BMERB1: variants seen among roughly 807,000 people sequenced by gnomAD.
BMERB1 encodes the protein bMERB domain-containing protein 1.
In BMERB1, 12 loss-of-function variants were observed where a neutral mutation model predicts 23.6. The ratio of observed to expected loss-of-function variants is 0.51; its 90% CI spans 0.33 to 0.82. BMERB1 has a LOEUF of 0.82. Among genes scored for constraint, BMERB1 ranks in the 40% least tolerant of loss-of-function variants. The pLI, the probability that BMERB1 is intolerant of heterozygous loss-of-function variation, is 0.03. For synonymous variants in BMERB1, 122 were observed against 96.6 expected (o/e 1.26, Z -1.54); for missense variants, 247 against 255.4 (o/e 0.97, Z 0.22).
At chr16:15,533,823 T>C (rs2051993647) in intron 2 of BMERB1, among the ~76,000 whole-genome samples, 1 of 152,188 alleles carries the variant, frequency 6.6e-6, no homozygotes, top group Non-Finnish European at 1.5e-5. Context: ...CCAGATGAAC[T>C]GGGTAGTCCA....
chr16:15,536,411 C>T (rs1402378828), intron 2 of BMERB1, among the ~76,000 whole-genome samples: 1 of 152,150 alleles, frequency 6.6e-6, no homozygotes, highest in Non-Finnish European at 1.5e-5. Context: ...ATCTGACTCT[C>T]ATATCAGCTG....
At chr16:15,528,761 A>T (rs984294236) in intron 2 of BMERB1, among the ~76,000 whole-genome samples, 1 of 151,902 alleles carries the variant, frequency 6.6e-6, no homozygotes, top group Admixed American at 6.6e-5. Context: ...CTAAATACAT[A>T]TGTCGACATC....
rs571669961 is a variant in BMERB1 at position 15,581,324 on chromosome 16, C to A, written c.412C>A (p.Arg138=). ...DFLVDDAEVE[R]LREQEEDKEM... The stretch of plus-strand genomic sequence containing the variant: ...CCTGGTGGACGATGCGGAGGTCGAG[C>A]GGTTAAGGTGAGTGCACTGCGGGTA... The change falls in exon 4 of 6, where the codon CGG becomes AGG. Residue 138 remains arginine, a synonymous_variant. Transcript: ENST00000300006. 4 of 1,613,628 alleles carry A rather than the reference C, an allele frequency of 2.5e-6. No homozygotes were observed. Among genetic ancestry groups the A allele is most frequent in the African/African-American group, 1.3e-5 (1 of 75,008 alleles).
At chr16:15,549,348 C>CAA (rs11367653) in intron 2 of BMERB1, among the ~76,000 whole-genome samples, 13 of 93,888 alleles carry the variant, frequency 1.4e-4, no homozygotes, top group South Asian at 3.6e-4. Flanking sequence ...GATTCTATCT[C>CAA]AAAAAAAAAA....
chr16:15,435,675 C>T (rs2050881896), intron 1 of BMERB1, among the ~76,000 whole-genome samples: 1 of 152,172 alleles, frequency 6.6e-6, no homozygotes, highest in Non-Finnish European at 1.5e-5. Context: ...CCGCGCTCTG[C>T]CCCAGCACGG....
At chr16:15,493,659 A>G (rs2150940036) in intron 1 of BMERB1, among the ~76,000 whole-genome samples, 1 of 151,986 alleles carries the variant, frequency 6.6e-6, no homozygotes, top group African/African-American at 2.4e-5. Context: ...GCCTGCACAC[A>G]TCCTGTTTTT....
At chr16:15,578,492 G>A (rs768932964) in intron 3 of BMERB1, among the ~76,000 whole-genome samples, 8 of 152,170 alleles carry the variant, frequency 5.3e-5, no homozygotes, top group South Asian at 2.1e-4. Flanking sequence ...TGGAAATAGA[G>A]TATTTCCAAA....
intron 1 of BMERB1, among the ~76,000 whole-genome samples, chr16:15,449,893 A>C (rs2051027040): frequency 6.6e-6 from 1 of 150,776 alleles, no homozygotes; most frequent in Non-Finnish European, 1.5e-5. Flanking sequence ...AGATGGGCAA[A>C]TTTTTCTTTT....
chr16:15,565,300 A>G (rs1598524472), intron 2 of BMERB1, among the ~76,000 whole-genome samples: 2 of 152,168 alleles, frequency 1.3e-5, no homozygotes, highest in Admixed American at 6.5e-5. Context: ...CTGTTTCCGC[A>G]TGAGTAAAAT....
At chr16:15,503,095 GA>G (rs1221993042) in intron 1 of BMERB1, among the ~76,000 whole-genome samples, 1 of 151,988 alleles carries the variant, frequency 6.6e-6, no homozygotes, top group Non-Finnish European at 1.5e-5. Flanking sequence ...AAATATTCAG[GA>G]AAAAAATCCA....
At chr16:15,490,558 C>T (rs957907793) in intron 1 of BMERB1, among the ~76,000 whole-genome samples, 3 of 152,072 alleles carry the variant, frequency 2.0e-5, no homozygotes, top group Non-Finnish European at 4.4e-5. Context: ...TTTGGGATTA[C>T]AGGCATGAGC....
intron 2 of BMERB1, among the ~76,000 whole-genome samples, chr16:15,539,031 A>G (rs573138983): frequency 1.6e-4 from 24 of 152,322 alleles, no homozygotes; most frequent in African/African-American, 5.8e-4. Context: ...AGATGATTCA[A>G]GTGCATTACA....
chr16:15,440,362 G>C (rs1028777607), intron 1 of BMERB1, among the ~76,000 whole-genome samples: 1 of 151,906 alleles, frequency 6.6e-6, no homozygotes, highest in African/African-American at 2.4e-5. Flanking sequence ...CCATAAGCCC[G>C]GGGGAGATGA....
intron 1 of BMERB1, among the ~76,000 whole-genome samples, chr16:15,495,827 G>A (rs1480256434): frequency 6.6e-6 from 1 of 152,206 alleles, no homozygotes; most frequent in African/African-American, 2.4e-5. Flanking sequence ...CCAGCCAAGG[G>A]AGTTCTGGGA....
intron 2 of BMERB1, among the ~76,000 whole-genome samples, chr16:15,563,553 T>G (rs1034808623): frequency 6.6e-6 from 1 of 152,018 alleles, no homozygotes; most frequent in Non-Finnish European, 1.5e-5. Context: ...TACCTCAGAT[T>G]GGGTAATTTA....
intron 1 of BMERB1, among the ~76,000 whole-genome samples, chr16:15,511,057 C>T (rs1013877174): frequency 8.6e-5 from 13 of 152,034 alleles, no homozygotes; most frequent in African/African-American, 3.1e-4. Context: ...CAAGCCTGTC[C>T]TCACTGCTTC....
chr16:15,477,326 A>T (rs1265284983), intron 1 of BMERB1, among the ~76,000 whole-genome samples: 5 of 152,146 alleles, frequency 3.3e-5, no homozygotes, highest in African/African-American at 1.2e-4. Flanking sequence ...AGCATGGGGG[A>T]AACCACCTCC....
chr16:15,522,553 A>G (rs948291758), intron 2 of BMERB1, among the ~76,000 whole-genome samples: 3 of 152,192 alleles, frequency 2.0e-5, no homozygotes, highest in East Asian at 3.9e-4. Flanking sequence ...AATCCTCACT[A>G]TCACCATCCA....
rs527944708 is a variant in BMERB1 at position 15,502,398 on chromosome 16, C to T, written c.107-12907C>T. The stretch of plus-strand genomic sequence containing the variant: ...AAAGGTATGATCGCTCTTGGGGGCC[C>T]AGTGGCATCCTCTCCACGAGGCAGG... On this transcript the variant is annotated intron_variant, in intron 1 of 5. Transcript: ENST00000300006. The T allele has an allele frequency of 1.0e-5, 16 of 1,527,848 alleles. No homozygotes were observed. In the East Asian group the frequency reaches 1.7e-4, roughly 16 times the overall value. 94.6% of individuals were successfully genotyped at this position (1,527,848 alleles called of 1,614,324 possible). A position where few individuals can be genotyped will look rare whatever the true frequency, so the allele number is the denominator to read the frequency against.
Sources: gnomAD v4.1 joint callset for allele counts (sites outside exome capture counted in the v4.1 genomes callset) on GRCh38, gnomAD v4.1.1 for gene constraint, MANE v1.5 for transcripts, NCBI Gene and HGNC (gene_info 2026-07-23, HGNC 2026-07-21) for gene names.